Variants in MYO9A observed in about 807,000 individuals in gnomAD.
MYO9A encodes the protein myosin IXA, also known as unconventional myosin-IXa.
In MYO9A, 103 loss-of-function variants were observed where a neutral mutation model predicts 293.3. The ratio of observed to expected loss-of-function variants is 0.35; its 90% confidence interval spans 0.30 to 0.41. The LOEUF (loss-of-function observed/expected upper bound fraction) is 0.41, where lower values mean the gene tolerates loss of function less well. Ranked by LOEUF, MYO9A falls within the 10% of genes least tolerant of loss-of-function variation. The pLI is 1.00. For missense variants in MYO9A, 2,685 were observed against 3,033.0 expected (o/e 0.89, Z 2.69); for synonymous variants, 1,001 against 1,035.7 (o/e 0.97, Z 0.64).
chr15:71,938,328 T>C (rs1407419874), intron 16 of MYO9A, among the ~76,000 whole-genome samples: 1 of 112,464 alleles, frequency 8.9e-6, no homozygotes, highest in Non-Finnish European at 1.9e-5. Context: ...ACAATCTTTA[T>C]TAAATAGTAT....
chr15:72,067,289 CA>C (rs1288298935), intron 1 of MYO9A, among the ~76,000 whole-genome samples: 2 of 151,202 alleles, frequency 1.3e-5, no homozygotes, highest in Non-Finnish European at 2.9e-5. Context: ...ATATTATTCC[CA>C]ATACTAATTA....
At chr15:72,043,753 T>A (rs1424280857) in intron 2 of MYO9A, among the ~76,000 whole-genome samples, 1 of 152,150 alleles carries the variant, frequency 6.6e-6, no homozygotes, top group African/African-American at 2.4e-5. Context: ...ATAATGGATA[T>A]GTTCTTGACT....
rs766893041 is a variant in MYO9A, at chr15:71,905,001, T to C, written c.2691A>G (p.Ser897=). ...CAAGTGTTTCCATTAGCTTGCTTAA[T>C]GATGCCTGCAACAGAAAGCAATATA... ...PPSISAQFQA[S]LSKLMETLGQ... The change falls in exon 20 of 42, where the codon TCA becomes TCG. Residue 897 remains serine, a synonymous_variant. Coordinates refer to ENST00000356056, the MANE Select transcript of MYO9A (RefSeq NM_006901.4). 2.5e-6 allele frequency: 4 copies of C among 1,601,912 alleles called. No individual in the cohort carries two copies. The Admixed American group carries it at 5.0e-5, about 20-fold the overall frequency.
intron 7 of MYO9A, among the ~76,000 whole-genome samples, chr15:72,009,277 T>C (rs971056943): frequency 1.7e-4 from 26 of 152,210 alleles, no homozygotes; most frequent in African/African-American, 6.0e-4. Flanking sequence ...CATATTGTAT[T>C]ATTTGATTTT....
intron 1 of MYO9A, among the ~76,000 whole-genome samples, chr15:72,057,933 C>T (rs114769459): frequency 0.015 from 2,267 of 152,196 alleles, 54 homozygotes; most frequent in African/African-American, 0.052. Flanking sequence ...TCAAAAGAAC[C>T]CATTATAATG....
intron 2 of MYO9A, among the ~76,000 whole-genome samples, chr15:72,043,661 C>A (rs2078293386): frequency 6.6e-6 from 1 of 152,068 alleles, no homozygotes; most frequent in South Asian, 2.1e-4. Flanking sequence ...TGACAGAAAG[C>A]ACTTAACTGG....
At chr15:72,004,749 T>C (rs913395558) in intron 8 of MYO9A, among the ~76,000 whole-genome samples, 1 of 152,156 alleles carries the variant, frequency 6.6e-6, no homozygotes, top group African/African-American at 2.4e-5. Context: ...TTCAATAATT[T>C]TCACAAGTAT....
chr15:72,103,352 C>T (rs1008117448), intron 1 of MYO9A, among the ~76,000 whole-genome samples: 1 of 133,084 alleles, frequency 7.5e-6, no homozygotes, highest in African/African-American at 2.9e-5. Context: ...CAGCAGCAAG[C>T]AGAGACAGAA....
At chr15:72,017,394 G>C (rs1015730647) in intron 6 of MYO9A, among the ~76,000 whole-genome samples, 1 of 152,062 alleles carries the variant, frequency 6.6e-6, no homozygotes, top group Non-Finnish European at 1.5e-5. Flanking sequence ...CAGAACAGAT[G>C]ATCAAGTCTT....
chr15:71,850,841 T>C (rs1019185964), intron 37 of MYO9A, among the ~76,000 whole-genome samples: 2 of 145,756 alleles, frequency 1.4e-5, no homozygotes, highest in African/African-American at 5.1e-5. Flanking sequence ...TAAAGATGGC[T>C]TTCTTCTCAA....
chr15:72,096,268 G>A (rs2150730708), intron 1 of MYO9A, among the ~76,000 whole-genome samples: 1 of 152,082 alleles, frequency 6.6e-6, no homozygotes, highest in African/African-American at 2.4e-5. Flanking sequence ...AACCCAGGAG[G>A]CAGAGGCTGT....
chr15:72,074,040 A>G (rs1166043643), intron 1 of MYO9A, among the ~76,000 whole-genome samples: 1 of 152,220 alleles, frequency 6.6e-6, no homozygotes, highest in Non-Finnish European at 1.5e-5. Flanking sequence ...GAATGAAAGA[A>G]GCTATAAACA....
At chr15:71,877,390 A>G (rs993579736) in intron 31 of MYO9A, among the ~76,000 whole-genome samples, 1 of 152,220 alleles carries the variant, frequency 6.6e-6, no homozygotes, top group Non-Finnish European at 1.5e-5. Flanking sequence ...AGGTTTTTAT[A>G]AAGAGGCCAC....
At chr15:71,851,229 C>A in intron 37 of MYO9A, 24 bp downstream of exon 37, 1 of 1,534,692 alleles carries the variant, frequency 6.5e-7, no homozygotes, top group African/African-American at 1.4e-5. Flanking sequence ...TATTAAAAAT[C>A]GTTCCCTTGC....
intron 15 of MYO9A, among the ~76,000 whole-genome samples, chr15:71,947,811 C>G (rs1026147407): frequency 6.6e-6 from 1 of 152,166 alleles, no homozygotes; most frequent in African/African-American, 2.4e-5. Flanking sequence ...TCATCCCAAA[C>G]AGGACTGAAG....
At chr15:71,982,022 T>TTC (rs2076286295) in intron 11 of MYO9A, among the ~76,000 whole-genome samples, 1 of 123,932 alleles carries the variant, frequency 8.1e-6, no homozygotes, top group African/African-American at 3.1e-5. Flanking sequence ...TTTTTTTTTT[T>TTC]TTTTTTTTTT....
intron 1 of MYO9A, among the ~76,000 whole-genome samples, chr15:72,104,800 G>A (rs1308444117): frequency 6.6e-6 from 1 of 152,142 alleles, no homozygotes; most frequent in Non-Finnish European, 1.5e-5. Flanking sequence ...TACATTAAAT[G>A]CTTAGAATCC....
chr15:72,004,859 T>C (rs865978239), intron 8 of MYO9A, among the ~76,000 whole-genome samples: 7 of 152,274 alleles, frequency 4.6e-5, no homozygotes, highest in Non-Finnish European at 7.4e-5. Flanking sequence ...GTTAAACCAC[T>C]ACTTTAAAAA....
chr15:71,937,538 A>G (rs2058673228), intron 16 of MYO9A, among the ~76,000 whole-genome samples: 1 of 152,178 alleles, frequency 6.6e-6, no homozygotes, highest in South Asian at 2.1e-4. Flanking sequence ...TTTTTTAAAC[A>G]TAATACTATT....
Sources: gnomAD v4.1 joint callset for allele counts (sites outside exome capture counted in the v4.1 genomes callset) on GRCh38, gnomAD v4.1.1 for gene constraint, MANE v1.5 for transcripts, NCBI Gene and HGNC (gene_info 2026-07-23, HGNC 2026-07-21) for gene names.